Variants in PLPP4 observed in about 807,000 individuals in gnomAD.
PLPP4 encodes the protein diacylglycerol pyrophosphate like 2.
Under a neutral mutation model 32.2 loss-of-function variants are expected in PLPP4, and 20 were observed. The observed-to-expected ratio is 0.62, with a 90% CI of 0.44 to 0.90. The LOEUF (loss-of-function observed/expected upper bound fraction) is 0.90, where lower values mean the gene tolerates loss of function less well. Among genes scored for constraint, PLPP4 ranks in the 40% least tolerant of loss-of-function variants. PLPP4 has a pLI of 0.00. For missense variants in PLPP4, 257 were observed against 353.1 expected, an observed-to-expected ratio of 0.73 and a Z score of 2.18; for synonymous variants, 127 against 133.0, an observed-to-expected ratio of 0.95 and a Z score of 0.31.
intron 5 of PLPP4, among the ~76,000 whole-genome samples, chr10:120,538,052 C>CTGTGTGTGTGTGTGTGTGTGTGTGTG (rs972974599): frequency 2.1e-4 from 4 of 18,988 alleles, no homozygotes; most frequent in Non-Finnish European, 3.8e-4. Context: ...CTCTCTCTCT[C>CTGTGTGTGTGTGTGTGTGTGTGTGTG]TGTGTGTGTG....
chr10:120,517,466 A>G (rs1049297748), intron 3 of PLPP4, among the ~76,000 whole-genome samples: 6 of 152,196 alleles, frequency 3.9e-5, no homozygotes, highest in Non-Finnish European at 7.3e-5. Flanking sequence ...TCAGAATGCA[A>G]TCAGTGGATC....
chr10:120,527,550 T>A (rs1312394138), intron 5 of PLPP4, among the ~76,000 whole-genome samples: 1 of 152,118 alleles, frequency 6.6e-6, no homozygotes, highest in Non-Finnish European at 1.5e-5. Context: ...ACTGAACAAC[T>A]GGCCACCATA....
chr10:120,501,707 T>A (rs1262657826), intron 1 of PLPP4, among the ~76,000 whole-genome samples: 1 of 152,174 alleles, frequency 6.6e-6, no homozygotes, highest in Non-Finnish European at 1.5e-5. Context: ...GACCCTTAGG[T>A]ATCATTTAGT....
intron 1 of PLPP4, among the ~76,000 whole-genome samples, chr10:120,461,107 C>T (rs1407270185): frequency 6.6e-6 from 1 of 152,192 alleles, no homozygotes; most frequent in Non-Finnish European, 1.5e-5. Flanking sequence ...CACTGTAGCT[C>T]TAAAATCTCA....
In PLPP4 at chr10:120,575,240, CT is replaced by C; in HGVS notation, c.557del (p.Leu186CysfsTer5). 1 of 1,614,148 alleles carries C rather than the reference CT, an allele frequency of 6.2e-7. No homozygotes were observed. Among genetic ancestry groups the C allele is most frequent in the Non-Finnish European group, 8.5e-7 (1 of 1,180,028 alleles). On this transcript the variant is annotated frameshift_variant, in exon 6 of 7. Coordinates refer to ENST00000398250, the MANE Select transcript of PLPP4 (RefSeq NM_001030059.3). LOFTEE classifies it high-confidence loss of function. ...GGCGGCTCTGTGCTGCCATCCTGCC[CT>C]TGTACTGCGCCATGATGATTGCCCT... is the stretch of plus-strand genomic sequence containing the variant. ...SWRLCAAILPLYCAMMIALSR... is the reference protein window; with the variant it reads ...SWRLCAAILPXYCAMMIALSR...
rs905450287 is a variant in PLPP4, at chr10:120,581,260, C to T, written c.616+5959C>T. On this transcript the variant is annotated intron_variant, in intron 6 of 6. Transcript: ENST00000398250. Reference sequence around the variant, plus strand: ...TTACTCAAGGGAACCTGTCTCTTCTCAGCTTTCTGTGGTGTTCTGTGGTTC... The same window carrying T: ...TTACTCAAGGGAACCTGTCTCTTCTTAGCTTTCTGTGGTGTTCTGTGGTTC... 1.6e-5 allele frequency: 16 copies of T among 985,328 alleles called. No individual in the cohort carries two copies. The East Asian group carries it at 1.0e-3, about 63-fold the overall frequency. 61.0% of individuals were successfully genotyped at this position (985,328 alleles called of 1,614,324 possible).
chr10:120,543,202 C>A (rs1444784995), intron 5 of PLPP4, among the ~76,000 whole-genome samples: 1 of 152,136 alleles, frequency 6.6e-6, no homozygotes, highest in African/African-American at 2.4e-5. Flanking sequence ...CCAGGGACAC[C>A]CAGGGGACTA....
rs1218422215 is a variant in PLPP4 at position 120,581,541 on chromosome 10, C to T, written c.616+6240C>T. On this transcript the variant is annotated intron_variant, in intron 6 of 6. Coordinates refer to ENST00000398250, the MANE Select transcript of PLPP4 (RefSeq NM_001030059.3). ...CATGGTCCATAAGATCTGCTCCCTC[C>T]GTACTTCTTTGATGCTATGTTCAAG... 3.3e-5 allele frequency among the ~76,000 whole-genome samples: 5 copies of T among 152,298 alleles called. No homozygotes were observed. The East Asian group carries it at 5.8e-4, about 18-fold the overall frequency.
chr10:120,484,936 A>T (rs990158743), intron 1 of PLPP4, among the ~76,000 whole-genome samples: 9 of 152,194 alleles, frequency 5.9e-5, no homozygotes, highest in African/African-American at 2.2e-4. Flanking sequence ...GCAGAAGAGG[A>T]GGTCAGAGAG....
chr10:120,580,804 A>G, intron 6 of PLPP4: 1 of 1,074,526 alleles, frequency 9.3e-7, no homozygotes, highest in South Asian at 1.4e-5. Context: ...TCTGCCAAAA[A>G]CCTGCCAGCC....
At chr10:120,565,323 T>TGC (rs1848642962) in intron 5 of PLPP4, among the ~76,000 whole-genome samples, 1 of 49,430 alleles carries the variant, frequency 2.0e-5, no homozygotes, top group Non-Finnish European at 4.9e-5. Flanking sequence ...GTGGTGTGTG[T>TGC]GTGTGTGTGT....
At chr10:120,457,222 A>C, upstream of PLPP4, 1 of 1,135,764 alleles carries the variant, frequency 8.8e-7, no homozygotes, top group Non-Finnish European at 1.1e-6. Context: ...CTCGCCTCCC[A>C]GGGTCTGGCG....
intron 5 of PLPP4, among the ~76,000 whole-genome samples, chr10:120,530,083 C>T (rs2133933308): frequency 6.6e-6 from 1 of 152,308 alleles, no homozygotes; most frequent in Non-Finnish European, 1.5e-5. Context: ...TTCTTGTATC[C>T]TGTCCTTCTC....
intron 1 of PLPP4, among the ~76,000 whole-genome samples, chr10:120,493,757 T>C (rs1844826464): frequency 6.6e-6 from 1 of 152,142 alleles, no homozygotes; most frequent in Non-Finnish European, 1.5e-5. Flanking sequence ...ATTCCTGCCC[T>C]AGGGTTATGA....
chr10:120,559,318 G>A (rs1480337932), intron 5 of PLPP4, among the ~76,000 whole-genome samples: 1 of 135,614 alleles, frequency 7.4e-6, no homozygotes, highest in Non-Finnish European at 1.6e-5. Flanking sequence ...TTTTTTTTTT[G>A]CCTTCCACAA....
chr10:120,554,200 A>G (rs1213579016), intron 5 of PLPP4, among the ~76,000 whole-genome samples: 1 of 152,180 alleles, frequency 6.6e-6, no homozygotes, highest in African/African-American at 2.4e-5. Context: ...TTCTTCTGCC[A>G]GATACTGTAA....
intron 6 of PLPP4, among the ~76,000 whole-genome samples, chr10:120,587,973 C>G (rs1451700681): frequency 3.9e-5 from 6 of 152,188 alleles, no homozygotes; most frequent in African/African-American, 1.4e-4. Context: ...GGACCTCAGA[C>G]AGTCATGTGG....
At chr10:120,510,534 C>T (rs1017210807) in intron 2 of PLPP4, among the ~76,000 whole-genome samples, 1 of 152,206 alleles carries the variant, frequency 6.6e-6, no homozygotes, top group African/African-American at 2.4e-5. Context: ...TCATCTGCTC[C>T]CCTGGCTCGG....
At chr10:120,528,529 A>G (rs553531898) in intron 5 of PLPP4, among the ~76,000 whole-genome samples, 2 of 152,266 alleles carry the variant, frequency 1.3e-5, no homozygotes, top group Admixed American at 6.5e-5. Flanking sequence ...ATTCACTGAT[A>G]TGTCAAGGGG....
Sources: allele counts gnomAD v4.1 joint callset (sites outside exome capture counted in the v4.1 genomes callset), GRCh38; gene constraint gnomAD v4.1.1; transcripts MANE v1.5; gene names NCBI Gene and HGNC (gene_info 2026-07-23, HGNC 2026-07-21).